Variants in SH3BGRL2 observed in about 807,000 individuals in gnomAD.
SH3BGRL2 encodes SH3 domain-binding glutamic acid-rich-like protein 2.
A neutral mutation model predicts 14.8 loss-of-function variants in SH3BGRL2; 21 were observed. The observed-to-expected ratio is 1.42, with a 90% CI of 1.01 to 2.05. The LOEUF (loss-of-function observed/expected upper bound fraction) is 2.05, where lower values mean the gene tolerates loss of function less well. SH3BGRL2 is among the 30% of genes most tolerant of loss of function. The pLI is 0.00. For missense variants in SH3BGRL2, 147 were observed against 130.8 expected, an observed-to-expected ratio of 1.12 and a Z score of -0.61; for synonymous variants, 50 against 47.8, an observed-to-expected ratio of 1.05 and a Z score of -0.19.
chr6:79,656,522 A>C (rs1467066183), intron 1 of SH3BGRL2, among the ~76,000 whole-genome samples: 1 of 152,116 alleles, frequency 6.6e-6, no homozygotes, highest in Non-Finnish European at 1.5e-5. Flanking sequence ...ACATAAAAGG[A>C]CCATAAGTAC....
the SH3BGRL2 span, among the ~76,000 whole-genome samples, chr6:79,608,780 CAT>C: frequency 1.3e-5 from 2 of 152,204 alleles, no homozygotes; most frequent in African/African-American, 2.4e-5. Flanking sequence ...TGAAACTACA[CAT>C]GTCCCACCTG....
chr6:79,557,740 A>C, the SH3BGRL2 span, among the ~76,000 whole-genome samples: 1 of 152,206 alleles, frequency 6.6e-6, no homozygotes, highest in Non-Finnish European at 1.5e-5. Flanking sequence ...AGCAAATATT[A>C]GATGTCCAGA....
At chr6:79,575,199 T>C in the SH3BGRL2 span, 1 of 152,176 alleles carries the variant, frequency 6.6e-6, no homozygotes, top group Non-Finnish European at 1.5e-5. Flanking sequence ...TAAAAAACTA[T>C]AGTCACCTTG....
At chr6:79,609,161 C>T in the SH3BGRL2 span, among the ~76,000 whole-genome samples, 1 of 152,180 alleles carries the variant, frequency 6.6e-6, no homozygotes, top group Non-Finnish European at 1.5e-5. Context: ...GTGTGATAAG[C>T]TCCTTTTACA....
chr6:79,639,768 G>C (rs944891695), intron 1 of SH3BGRL2, among the ~76,000 whole-genome samples: 1 of 152,156 alleles, frequency 6.6e-6, no homozygotes, highest in Admixed American at 6.5e-5. Flanking sequence ...TTTTTCAGCA[G>C]GAATTCCTTT....
At chr6:79,610,437 A>T in the SH3BGRL2 span, among the ~76,000 whole-genome samples, 22 of 152,330 alleles carry the variant, frequency 1.4e-4, no homozygotes, top group Non-Finnish European at 3.1e-4. Flanking sequence ...AGGAAGCTGC[A>T]CCTGTGCCTG....
In SH3BGRL2 at chr6:79,673,759, C is replaced by G. The variant is rs147421729; in HGVS notation, c.191C>G (p.Pro64Arg). The stretch of plus-strand genomic sequence containing the variant: ...GAAAAGAAACCCACTCAGGGCAACC[C>G]CCTGCCACCTCAGATATTTAATGGC... ...PPEKKPTQGN[P>R]LPPQIFNGDR... The change falls in exon 2 of 4, where the codon CCC (proline) becomes CGC (arginine). Residue 64 changes from proline to arginine, a missense_variant. Physicochemically the swap from Pro to Arg is moderately radical, Grantham distance 103 (BLOSUM62 -2). Transcript: ENST00000369838. 3 of 1,613,950 alleles carry G rather than the reference C, an allele frequency of 1.9e-6. No homozygotes were observed. The highest frequency in any genetic ancestry group is 2.7e-5 in the African/African-American group (2 of 74,888).
the SH3BGRL2 span, among the ~76,000 whole-genome samples, chr6:79,552,356 T>C: frequency 6.6e-6 from 1 of 152,244 alleles, no homozygotes; most frequent in Non-Finnish European, 1.5e-5. Flanking sequence ...CTTGTGGCAG[T>C]TAGAACACAG....
At chr6:79,692,116 G>A (rs930365606) in intron 2 of SH3BGRL2, among the ~76,000 whole-genome samples, 3 of 152,192 alleles carry the variant, frequency 2.0e-5, no homozygotes, top group Non-Finnish European at 2.9e-5. Context: ...GTGATGATGA[G>A]CATTTTTTCA....
chr6:79,592,091 A>T, the SH3BGRL2 span, among the ~76,000 whole-genome samples: 2 of 152,226 alleles, frequency 1.3e-5, no homozygotes, highest in Non-Finnish European at 2.9e-5. Context: ...ATGATAAAAG[A>T]TATGAAAACA....
chr6:79,621,211 A>C, the SH3BGRL2 span, among the ~76,000 whole-genome samples: 1 of 152,334 alleles, frequency 6.6e-6, no homozygotes, highest in Admixed American at 6.5e-5. Context: ...CTGATATGGA[A>C]ATCAAGGCAC....
At chr6:79,566,711 CT>C in the SH3BGRL2 span, among the ~76,000 whole-genome samples, 1 of 151,856 alleles carries the variant, frequency 6.6e-6, no homozygotes, top group Non-Finnish European at 1.5e-5. Flanking sequence ...TTGGGAGGCA[CT>C]TTGGGGACGC....
intron 2 of SH3BGRL2, among the ~76,000 whole-genome samples, chr6:79,693,955 T>C (rs1770280539): frequency 6.6e-6 from 1 of 151,588 alleles, no homozygotes; most frequent in South Asian, 2.1e-4. Flanking sequence ...AAGAAAGGAG[T>C]CCTGTGATGT....
the SH3BGRL2 span, among the ~76,000 whole-genome samples, chr6:79,615,817 C>CT: frequency 3.0e-4 from 37 of 124,268 alleles, no homozygotes; most frequent in Middle Eastern, 4.8e-3. Flanking sequence ...CCACTCCTGC[C>CT]TTTTTTTTTT....
intron 1 of SH3BGRL2, among the ~76,000 whole-genome samples, chr6:79,661,827 C>A (rs1039900024): frequency 3.3e-5 from 5 of 152,076 alleles, no homozygotes; most frequent in African/African-American, 9.7e-5. Flanking sequence ...GTATTGGATG[C>A]ATATATATTT....
chr6:79,648,863 T>C (rs1769222329), intron 1 of SH3BGRL2, among the ~76,000 whole-genome samples: 1 of 152,214 alleles, frequency 6.6e-6, no homozygotes, highest in Non-Finnish European at 1.5e-5. Context: ...AGATTTATTT[T>C]ACTGCTCTTA....
the SH3BGRL2 span, among the ~76,000 whole-genome samples, chr6:79,625,279 T>C: frequency 6.6e-6 from 1 of 151,974 alleles, no homozygotes; most frequent in Non-Finnish European, 1.5e-5. Context: ...ATTACTTCCA[T>C]TCCTTAATCA....
At chr6:79,639,472 C>A (rs987288030) in intron 1 of SH3BGRL2, among the ~76,000 whole-genome samples, 7 of 151,982 alleles carry the variant, frequency 4.6e-5, no homozygotes, top group Admixed American at 6.6e-5. Flanking sequence ...GCCTGTAGTC[C>A]CAGTTACTTG....
At chr6:79,572,934 G>C in the SH3BGRL2 span, among the ~76,000 whole-genome samples, 57,158 of 151,990 alleles carry the variant, frequency 0.38, 11,439 homozygotes, top group South Asian at 0.58. Flanking sequence ...GTCTTCTCTA[G>C]TTAGTGGTTT....
Sources: allele counts gnomAD v4.1 joint callset (sites outside exome capture counted in the v4.1 genomes callset), GRCh38; gene constraint gnomAD v4.1.1; transcripts MANE v1.5; gene names NCBI Gene and HGNC (gene_info 2026-07-23, HGNC 2026-07-21).